NCKAP5: variants seen among roughly 807,000 people sequenced by gnomAD.
NCKAP5 encodes NCK associated protein 5.
Under a neutral mutation model 167.0 loss-of-function variants are expected in NCKAP5, and 92 were observed. That is an observed-to-expected ratio of 0.55 (90% CI 0.47 to 0.66). NCKAP5 has a LOEUF of 0.66. Among genes scored for constraint, NCKAP5 ranks in the 30% least tolerant of loss-of-function variants. The pLI is 0.00. For missense variants in NCKAP5, 2,378 were observed against 2,315.0 expected (o/e 1.03, Z -0.56); for synonymous variants, 891 against 877.4 (o/e 1.02, Z -0.27).
At position 132,725,654 on chromosome 2, in the gene NCKAP5, C is replaced by T; in HGVS notation, c.5686G>A (p.Val1896Met). ...NGFGAGRGQL[V>M]KALKSAAPEI... Reference sequence around the variant, plus strand: ...GGGGCAGCGCTCTTCAGTGCTTTCACTAACTGTCCCCTTCCAGCTCCAAAA... The same window carrying T: ...GGGGCAGCGCTCTTCAGTGCTTTCATTAACTGTCCCCTTCCAGCTCCAAAA... Residue 1896 changes from valine (V) to methionine (M), a missense_variant, in exon 19 of 20, where the codon GTG becomes ATG. Physicochemically the swap from Val to Met is conservative, Grantham distance 21. Around this residue, in one of 3 missense-constraint regions of NCKAP5, gnomAD observed 1,325 missense variants for 1,274.5 expected, o/e 1.04. Coordinates refer to ENST00000409261, the MANE Select transcript of NCKAP5 (RefSeq NM_207363.3). 3 of 1,611,908 alleles carry T rather than the reference C, an allele frequency of 1.9e-6. No homozygotes were observed. The highest frequency in any genetic ancestry group is 1.1e-5 in the South Asian group (1 of 90,412).
chr2:133,089,055 T>C (rs908246551), intron 6 of NCKAP5, among the ~76,000 whole-genome samples: 1 of 152,170 alleles, frequency 6.6e-6, no homozygotes, highest in African/African-American at 2.4e-5. Flanking sequence ...AAAACAGAGA[T>C]GTGAGAAAAT....
chr2:133,002,991 C>T (rs779021701), intron 6 of NCKAP5, among the ~76,000 whole-genome samples: 12 of 152,274 alleles, frequency 7.9e-5, no homozygotes, highest in Admixed American at 3.9e-4. Flanking sequence ...GATGCAAGTC[C>T]GCTGGTCAGA....
chr2:133,508,369 T>A lies in NCKAP5; in HGVS notation c.69+9089A>T, dbSNP rs950784064. Among the ~76,000 whole-genome samples, 3 of 152,256 alleles carry A rather than the reference T, an allele frequency of 2.0e-5. No individual in the cohort carries two copies. In the East Asian group the frequency reaches 5.8e-4, roughly 29 times the overall value. ...GATCAATGTAGCCAGAAGAACAACTTCCTCTTTGTAACCCCATCAGCCTTG... is the reference window on the plus strand; with the variant it reads ...GATCAATGTAGCCAGAAGAACAACTACCTCTTTGTAACCCCATCAGCCTTG... On this transcript the variant is annotated intron_variant, in intron 3 of 19. Coordinates refer to ENST00000409261, the MANE Select transcript of NCKAP5 (RefSeq NM_207363.3).
chr2:133,478,133 A>G (rs1178845797), intron 3 of NCKAP5, among the ~76,000 whole-genome samples: 3 of 152,212 alleles, frequency 2.0e-5, no homozygotes, highest in African/African-American at 7.2e-5. Flanking sequence ...TGAAGAACTA[A>G]ATCTTCAAAA....
intron 6 of NCKAP5, among the ~76,000 whole-genome samples, chr2:133,048,794 T>G: frequency 6.6e-6 from 1 of 152,226 alleles, no homozygotes; most frequent in East Asian, 1.9e-4. Context: ...ATTTCTAAGA[T>G]GATTTTAATA....
At chr2:133,128,247 T>C (rs1048162444) in intron 6 of NCKAP5, among the ~76,000 whole-genome samples, 3 of 152,226 alleles carry the variant, frequency 2.0e-5, no homozygotes, top group Non-Finnish European at 4.4e-5. Flanking sequence ...ATGACGATTT[T>C]AGGGCAACTT....
At chr2:132,723,594 A>T (rs2105412240) in intron 19 of NCKAP5, among the ~76,000 whole-genome samples, 1 of 152,350 alleles carries the variant, frequency 6.6e-6, no homozygotes, top group East Asian at 1.9e-4. Context: ...GAATGGCCCA[A>T]ATGAGAACTC....
chr2:133,265,164 A>G (rs1194810283), intron 4 of NCKAP5: 1 of 152,180 alleles, frequency 6.6e-6, no homozygotes, highest in Non-Finnish European at 1.5e-5. Context: ...GTACCTATGT[A>G]TAAGGAGGAG....
intron 3 of NCKAP5, among the ~76,000 whole-genome samples, chr2:133,453,724 A>G (rs184572589): frequency 1.0e-3 from 153 of 152,204 alleles, no homozygotes; most frequent in African/African-American, 3.6e-3. Flanking sequence ...TAATGAATGG[A>G]AGGAAGAAAC....
At chr2:133,596,694 C>T in the NCKAP5 span, among the ~76,000 whole-genome samples, 2 of 152,156 alleles carry the variant, frequency 1.3e-5, no homozygotes, top group East Asian at 3.9e-4. Context: ...AGGTCTCCTT[C>T]AGACACGGGT....
chr2:133,193,154 T>C (rs760541374), intron 5 of NCKAP5, among the ~76,000 whole-genome samples: 9 of 152,112 alleles, frequency 5.9e-5, no homozygotes, highest in Non-Finnish European at 1.2e-4. Flanking sequence ...TTCCAAAAGA[T>C]TATATACTAC....
At chr2:133,165,067 G>T (rs1189303994) in intron 5 of NCKAP5, among the ~76,000 whole-genome samples, 2 of 134,340 alleles carry the variant, frequency 1.5e-5, no homozygotes, top group Non-Finnish European at 3.2e-5. Flanking sequence ...AAACTTTCGG[G>T]TGTCACAGCT....
At chr2:133,519,027 C>A (rs1175684832) in intron 2 of NCKAP5, among the ~76,000 whole-genome samples, 1 of 152,168 alleles carries the variant, frequency 6.6e-6, no homozygotes, top group Non-Finnish European at 1.5e-5. Context: ...ATATGTTCCA[C>A]AACTCTCAAT....
At chr2:133,171,391 G>T (rs1222990815) in intron 5 of NCKAP5, among the ~76,000 whole-genome samples, 1 of 152,086 alleles carries the variant, frequency 6.6e-6, no homozygotes, top group African/African-American at 2.4e-5. Flanking sequence ...ATAGAGAAAA[G>T]CATTAGGACA....
At chr2:132,726,583 C>T (rs1690479006) in intron 18 of NCKAP5, among the ~76,000 whole-genome samples, 1 of 152,166 alleles carries the variant, frequency 6.6e-6, no homozygotes, top group African/African-American at 2.4e-5. Flanking sequence ...TTATTCCTCC[C>T]TAAGCCAGAT....
the NCKAP5 span, among the ~76,000 whole-genome samples, chr2:133,664,532 G>C: frequency 6.6e-6 from 1 of 152,100 alleles, no homozygotes; most frequent in East Asian, 1.9e-4. Context: ...ACAGAGTCTC[G>C]CTCTGTTGCC....
At chr2:132,689,999 T>C (rs1360487870) in intron 19 of NCKAP5, among the ~76,000 whole-genome samples, 1 of 152,204 alleles carries the variant, frequency 6.6e-6, no homozygotes, top group African/African-American at 2.4e-5. Context: ...ACTCTTCTCT[T>C]TGTCTCATAC....
chr2:133,312,241 C>T (rs911069399), intron 3 of NCKAP5, among the ~76,000 whole-genome samples: 7 of 152,170 alleles, frequency 4.6e-5, no homozygotes, highest in Non-Finnish European at 7.4e-5. Flanking sequence ...ATTGAAAAGC[C>T]TCGTGACCTG....
At chr2:132,986,321 T>C (rs2077285585) in intron 7 of NCKAP5, among the ~76,000 whole-genome samples, 1 of 152,192 alleles carries the variant, frequency 6.6e-6, no homozygotes, top group Non-Finnish European at 1.5e-5. Flanking sequence ...TGAATAGGTG[T>C]TGATGTACCT....
Sources: allele counts gnomAD v4.1 joint callset (sites outside exome capture counted in the v4.1 genomes callset), GRCh38; gene constraint gnomAD v4.1.1; regional missense constraint gnomAD v4.1.1; transcripts MANE v1.5; gene names NCBI Gene and HGNC (gene_info 2026-07-23, HGNC 2026-07-21).